Variants in TTC8 observed in about 807,000 individuals in gnomAD.
TTC8 encodes the protein tetratricopeptide repeat protein 8.
A neutral mutation model predicts 72.5 loss-of-function variants in TTC8; 47 were observed. The ratio of observed to expected loss-of-function variants is 0.65; its 90% CI spans 0.51 to 0.83. TTC8 has a LOEUF of 0.83. Among genes scored for constraint, TTC8 ranks in the 40% least tolerant of loss-of-function variants. The probability of loss-of-function intolerance (pLI) is 0.00; values close to 1 mark genes in which losing one functional copy is unlikely to be tolerated. For missense variants in TTC8, 611 were observed against 623.2 expected (o/e 0.98, Z 0.21); for synonymous variants, 199 against 221.4 (o/e 0.90, Z 0.90).
Position 88,840,922 on chromosome 14 carries a change from C to T in TTC8, c.323C>T (p.Ala108Val). 1 of 1,614,118 alleles carries T rather than the reference C, an allele frequency of 6.2e-7. No homozygotes were observed. The highest frequency in any genetic ancestry group is 8.5e-7 in the Non-Finnish European group (1 of 1,179,990). Residue 108 changes from alanine to valine, a missense_variant, in exon 4 of 15, where the codon GCC becomes GTC. Coordinates refer to ENST00000380656, the MANE Select transcript of TTC8 (RefSeq NM_144596.4). ...GTNQTGGPSQ[A>V]VRPITQAGRP... ...AATCAGACAGGAGGGCCTAGCCAGG[C>T]CGTTAGGTATGTACTTCTGCTTCAT...
chr14:88,854,108 A>G (rs771480829), intron 8 of TTC8, among the ~76,000 whole-genome samples: 3 of 152,222 alleles, frequency 2.0e-5, no homozygotes, highest in African/African-American at 4.8e-5. Context: ...AGATGGAGAA[A>G]GTGTTTTCTG....
At chr14:88,841,558 G>T (rs537295982) in intron 6 of TTC8, 44 bp downstream of exon 6, 24 of 1,441,772 alleles carry the variant, frequency 1.7e-5, no homozygotes, top group Non-Finnish European at 2.3e-5. Flanking sequence ...AATATTACAC[G>T]TATGATGATA....
chr14:88,838,467 A>G (rs1334872678), intron 2 of TTC8, among the ~76,000 whole-genome samples: 1 of 152,052 alleles, frequency 6.6e-6, no homozygotes, highest in Non-Finnish European at 1.5e-5. Context: ...CTTGACAGCC[A>G]TATATTCCTA....
At chr14:88,870,316 A>G in intron 11 of TTC8, 118 bp downstream of exon 11, 4 of 1,110,102 alleles carry the variant, frequency 3.6e-6, no homozygotes, top group Middle Eastern at 2.0e-4. Flanking sequence ...ATGAAACTCA[A>G]ATGTCAACAC....
chr14:88,848,717 T>C (rs1183771559), intron 7 of TTC8, among the ~76,000 whole-genome samples: 1 of 152,160 alleles, frequency 6.6e-6, no homozygotes, highest in Non-Finnish European at 1.5e-5. Context: ...GTATGTTAAA[T>C]AGAAGTATAA....
rs184682753 is a variant in TTC8, at chr14:88,859,976, A to G, written c.799-1246A>G. ...ATAGTAATATAATATAAATATTTTTATATAATATATATTTACATATGTTGT... is the reference window on the plus strand; with the variant it reads ...ATAGTAATATAATATAAATATTTTTGTATAATATATATTTACATATGTTGT... On this transcript the variant is annotated intron_variant, in intron 9 of 14. Transcript: ENST00000380656. 4.1e-3 allele frequency among the ~76,000 whole-genome samples: 546 copies of G among 134,036 alleles called. 1 individual carries two copies. The highest frequency in any genetic ancestry group is 0.013 in the African/African-American group (521 of 39,522). 87.9% of individuals were successfully genotyped at this position (134,036 alleles called of 152,430 possible). A position where few individuals can be genotyped will look rare whatever the true frequency, so the allele number is the denominator to read the frequency against.
chr14:88,859,206 CACAT>C (rs2094871964), intron 9 of TTC8, among the ~76,000 whole-genome samples: 1 of 151,882 alleles, frequency 6.6e-6, no homozygotes, highest in Non-Finnish European at 1.5e-5. Flanking sequence ...ATCACAATGA[CACAT>C]GCATGCATAT....
intron 9 of TTC8, among the ~76,000 whole-genome samples, chr14:88,858,527 A>G (rs1472601117): frequency 6.6e-6 from 1 of 152,146 alleles, no homozygotes; most frequent in Non-Finnish European, 1.5e-5. Context: ...TGTTTTAATG[A>G]CTTTCAAAAA....
rs189646466 is a variant in TTC8, at chr14:88,860,064, G to A, written c.799-1158G>A. On this transcript the variant is annotated intron_variant, in intron 9 of 14. Coordinates refer to ENST00000380656, the MANE Select transcript of TTC8 (RefSeq NM_144596.4). ...ACATTGCTTTTTAAAGTTCTTAATTGTTAATTTAAAAATTAAACCTTTTAG... is the reference window on the plus strand; with the variant it reads ...ACATTGCTTTTTAAAGTTCTTAATTATTAATTTAAAAATTAAACCTTTTAG... Among the ~76,000 whole-genome samples the A allele has an allele frequency of 2.3e-3, 340 of 148,402 alleles. 4 individuals are homozygous for A. Among genetic ancestry groups the A allele is most frequent in the Non-Finnish European group, 1.3e-3 (87 of 67,246 alleles).
intron 13 of TTC8, among the ~76,000 whole-genome samples, chr14:88,874,567 G>C (rs1229767195): frequency 6.6e-6 from 1 of 152,000 alleles, no homozygotes; most frequent in East Asian, 1.9e-4. Context: ...CAGAATTTTG[G>C]GCTTTGAAAT....
intron 1 of TTC8, chr14:88,830,922 C>G (rs1376049801): frequency 2.2e-6 from 1 of 456,096 alleles, no homozygotes; most frequent in South Asian, 1.5e-5. Flanking sequence ...TCCTTGGTCT[C>G]TCCACATCCT....
intron 1 of TTC8, among the ~76,000 whole-genome samples, chr14:88,828,708 T>C (rs1017073635): frequency 2.6e-5 from 4 of 152,232 alleles, no homozygotes; most frequent in African/African-American, 9.6e-5. Context: ...AAAAATGATT[T>C]GTTATTTGTT....
Position 88,847,128 on chromosome 14 carries a change from C to T in TTC8, c.624+3278C>T, listed in dbSNP as rs187739672. ...TCAGAATCCTCAAGGGTAGGTGTGG[C>T]GAATCTGTTGTTAATAAAAGCTCCG... is the stretch of plus-strand genomic sequence containing the variant. On this transcript the variant is annotated intron_variant, in intron 7 of 14. Transcript: ENST00000380656. Among the ~76,000 whole-genome samples the T allele has an allele frequency of 1.6e-3, 239 of 152,176 alleles. 2 individuals carry two copies. Among genetic ancestry groups the T allele is most frequent in the African/African-American group, 4.6e-3 (192 of 41,500 alleles).
chr14:88,860,798 TTTC>T (rs763842902), intron 9 of TTC8, among the ~76,000 whole-genome samples: 20 of 150,646 alleles, frequency 1.3e-4, no homozygotes, highest in East Asian at 3.9e-4. Flanking sequence ...TTGAAAATTC[TTTC>T]TTCTTCTTCT....
intron 6 of TTC8, among the ~76,000 whole-genome samples, chr14:88,843,503 G>T (rs370615003): frequency 1.3e-5 from 2 of 152,066 alleles, no homozygotes; most frequent in Admixed American, 6.5e-5. Context: ...TATATGTAGA[G>T]AATATAAAGA....
At position 88,833,691 on chromosome 14, in the gene TTC8, A is replaced by G. The variant is rs587777809; in HGVS notation, c.115-2A>G. On this transcript the variant is annotated splice_acceptor_variant, in intron 1 of 14. Coordinates refer to ENST00000380656, the MANE Select transcript of TTC8 (RefSeq NM_144596.4). LOFTEE classifies it high-confidence loss of function. ...GTTTACTGCCTTCTTAATGCTTTCC[A>G]GGAACCAGATCCTGAATTGCCAGTG... The G allele has an allele frequency of 5.6e-6, 9 of 1,613,598 alleles. No homozygotes were observed. The South Asian group carries it at 8.8e-5, about 16-fold the overall frequency.
chr14:88,842,867 A>G (rs1408274147), intron 6 of TTC8, among the ~76,000 whole-genome samples: 1 of 151,754 alleles, frequency 6.6e-6, no homozygotes, highest in African/African-American at 2.4e-5. Flanking sequence ...CTGTAACGTC[A>G]TTTTCATGGC....
chr14:88,845,595 C>T (rs531715019), intron 7 of TTC8, among the ~76,000 whole-genome samples: 1 of 152,202 alleles, frequency 6.6e-6, no homozygotes, highest in East Asian at 1.9e-4. Flanking sequence ...TCATAAAAAG[C>T]TGGTGAGGGG....
chr14:88,843,683 G>A, intron 6 of TTC8, 123 bp from the exon 7 acceptor site: 1 of 633,378 alleles, frequency 1.6e-6, no homozygotes, highest in South Asian at 2.0e-5. Context: ...ATTTTAAAAT[G>A]AGTGATAGTA....
Sources: gnomAD v4.1 joint callset for allele counts (sites outside exome capture counted in the v4.1 genomes callset) on GRCh38, gnomAD v4.1.1 for gene constraint, MANE v1.5 for transcripts, NCBI Gene and HGNC (gene_info 2026-07-23, HGNC 2026-07-21) for gene names.